SP140: variants seen among roughly 807,000 people sequenced by gnomAD.
SP140 encodes nuclear body protein SP140.
Under a neutral mutation model 125.0 loss-of-function variants are expected in SP140, and 81 were observed. That is an observed-to-expected ratio of 0.65 (90% CI 0.54 to 0.78). The LOEUF (loss-of-function observed/expected upper bound fraction) is 0.78, where lower values mean the gene tolerates loss of function less well. Among genes scored for constraint, SP140 ranks in the 30% least tolerant of loss-of-function variants. The pLI is 0.00. For missense variants in SP140, 858 were observed against 1,037.0 expected, an observed-to-expected ratio of 0.83 and a Z score of 2.37; for synonymous variants, 312 against 354.0, an observed-to-expected ratio of 0.88 and a Z score of 1.33.
At chr2:230,231,812 T>A (rs1574894370) in intron 1 of SP140, among the ~76,000 whole-genome samples, 1 of 152,282 alleles carries the variant, frequency 6.6e-6, no homozygotes, top group South Asian at 2.1e-4. Flanking sequence ...GTTCAAGTGA[T>A]TCTCCTGCCT....
At chr2:230,242,845 C>T (rs1357718162) in intron 4 of SP140, among the ~76,000 whole-genome samples, 1 of 152,116 alleles carries the variant, frequency 6.6e-6, no homozygotes, top group Non-Finnish European at 1.5e-5. Flanking sequence ...GTCTCTGGTC[C>T]AGATCTCCAT....
intron 1 of SP140, among the ~76,000 whole-genome samples, chr2:230,226,392 G>A (rs576674273): frequency 6.6e-6 from 1 of 152,126 alleles, no homozygotes. Flanking sequence ...ATCACTTCAG[G>A]ATCTCTGAAT....
chr2:230,252,721 T>C (rs571908590), intron 10 of SP140, among the ~76,000 whole-genome samples: 3 of 152,060 alleles, frequency 2.0e-5, no homozygotes, highest in African/African-American at 7.2e-5. Flanking sequence ...AGCACAGAAA[T>C]GCAAGCAGGA....
intron 1 of SP140, chr2:230,212,924 G>C: frequency 6.2e-7 from 1 of 1,614,070 alleles, no homozygotes; most frequent in Non-Finnish European, 8.5e-7. Context: ...GTTGTGGTGG[G>C]GGCAGCGCCA....
chr2:230,202,697 CTT>C (rs1269233816), upstream of SP140: 1 of 1,614,126 alleles, frequency 6.2e-7, no homozygotes, highest in Non-Finnish European at 8.5e-7. Context: ...TTTTGAGCTT[CTT>C]TTGGATTCCG....
At chr2:230,255,914 A>T (rs2051116242) in intron 12 of SP140, among the ~76,000 whole-genome samples, 1 of 152,248 alleles carries the variant, frequency 6.6e-6, no homozygotes, top group South Asian at 2.1e-4. Flanking sequence ...AGATGGGGGC[A>T]GGCAAACTGA....
In SP140 at chr2:230,313,001, CT is replaced by C; in HGVS notation, c.*321del. 1 of 269,158 alleles carries C rather than the reference CT, an allele frequency of 3.7e-6. No individual in the cohort carries two copies. The highest frequency in any genetic ancestry group is 7.1e-6 in the Non-Finnish European group (1 of 140,526). The allele number at this position is 269,158 out of a possible 1,614,324, so 16.7% of individuals were successfully genotyped here. A position where few individuals can be genotyped will look rare whatever the true frequency, so the allele number is the denominator to read the frequency against. On this transcript the variant is annotated 3_prime_UTR_variant, in exon 27 of 27. Coordinates refer to ENST00000392045, the MANE Select transcript of SP140 (RefSeq NM_007237.5). ...AGACAACATTTATTACCCAGAAGAC[CT>C]TTTGTCTGAAAACCAGCCAAGCTTT...
chr2:230,309,483 G>A (rs952759612), intron 22 of SP140, among the ~76,000 whole-genome samples: 1 of 152,222 alleles, frequency 6.6e-6, no homozygotes, highest in Non-Finnish European at 1.5e-5. Context: ...TTATGGCCAA[G>A]AATATGGGAT....
upstream of SP140, among the ~76,000 whole-genome samples, chr2:230,224,515 CAGAGAGAG>C (rs879416639): frequency 2.1e-5 from 3 of 139,896 alleles, no homozygotes; most frequent in African/African-American, 8.1e-5. Context: ...AGAGAGAGGA[CAGAGAGAG>C]AGAGAGAGAG....
rs553489875 is a variant in SP140 at position 230,203,147 on chromosome 2, C to A, written c.-455C>A. Reference sequence around the variant, plus strand: ...AGAGATTTCCAAAAGTTTCTAGGTGCCTTCAGTGGGCAAAGTGCAAGGTAT... The same window carrying A: ...AGAGATTTCCAAAAGTTTCTAGGTGACTTCAGTGGGCAAAGTGCAAGGTAT... On this transcript the variant is annotated 5_prime_UTR_variant, in exon 1 of 5. Coordinates refer to the SP140 transcript ENST00000456542. 4.6e-4 allele frequency: 103 copies of A among 224,762 alleles called. No individual in the cohort carries two copies. The South Asian group carries it at 6.5e-3, about 14-fold the overall frequency. 13.9% of individuals were successfully genotyped at this position (224,762 alleles called of 1,614,324 possible). A position where few individuals can be genotyped will look rare whatever the true frequency, so the allele number is the denominator to read the frequency against.
intron 15 of SP140, among the ~76,000 whole-genome samples, chr2:230,279,174 C>A (rs1027940615): frequency 4.6e-5 from 7 of 151,912 alleles, no homozygotes; most frequent in Non-Finnish European, 1.0e-4. Flanking sequence ...GAAAAATATA[C>A]AAATAAATGG....
Position 230,311,083 on chromosome 2 carries a change from G to C in SP140, c.2284-71G>C. The C allele has an allele frequency of 2.5e-6, 4 of 1,610,758 alleles. No homozygotes were observed. In the South Asian group the frequency reaches 4.4e-5, roughly 18 times the overall value. On this transcript the variant is annotated intron_variant, in intron 24 of 26. Transcript: ENST00000392045. ...CTTGAGGAAGAAGGGTGTGAGTTCT[G>C]TGCTGTGTCTCATGCATGTGGGCTC...
chr2:230,288,524 T>TCTTC (rs1575230859), intron 18 of SP140, among the ~76,000 whole-genome samples: 17 of 139,608 alleles, frequency 1.2e-4, no homozygotes, highest in South Asian at 2.3e-4. Context: ...TTTCTTTCTT[T>TCTTC]TTTTATTCTT....
At chr2:230,194,123 A>G in the SP140 span, among the ~76,000 whole-genome samples, 1 of 152,124 alleles carries the variant, frequency 6.6e-6, no homozygotes, top group African/African-American at 2.4e-5. Flanking sequence ...AGATTGAGGC[A>G]TGCTGGGAAC....
At chr2:230,213,046 C>T (rs373508784) in intron 1 of SP140, 24 of 1,612,984 alleles carry the variant, frequency 1.5e-5, no homozygotes, top group Non-Finnish European at 1.9e-5. Context: ...GGTGAAGGGA[C>T]ACACATCAGT....
intron 3 of SP140, among the ~76,000 whole-genome samples, chr2:230,218,109 T>C (rs2045425368): frequency 6.6e-6 from 1 of 152,238 alleles, no homozygotes; most frequent in Non-Finnish European, 1.5e-5. Flanking sequence ...AGTTTACAAA[T>C]GACATTCTTG....
chr2:230,251,224 T>C (rs996063265), intron 10 of SP140, among the ~76,000 whole-genome samples, 163 bp downstream of exon 10: 2 of 152,226 alleles, frequency 1.3e-5, no homozygotes, highest in African/African-American at 4.8e-5. Context: ...ATTTGAGAAA[T>C]GCAGGGAGGA....
chr2:230,293,228 G>A (rs2057328800), intron 20 of SP140, among the ~76,000 whole-genome samples: 1 of 152,252 alleles, frequency 6.6e-6, no homozygotes, highest in African/African-American at 2.4e-5. Flanking sequence ...ATTGGGGCAG[G>A]TTGTGCAGGG....
At chr2:230,291,223 T>C (rs2149482398) in intron 19 of SP140, among the ~76,000 whole-genome samples, 1 of 152,344 alleles carries the variant, frequency 6.6e-6, no homozygotes, top group Non-Finnish European at 1.5e-5. Flanking sequence ...ATATGACTCT[T>C]TGGATGTCAA....
Sources: allele counts gnomAD v4.1 joint callset (sites outside exome capture counted in the v4.1 genomes callset), GRCh38; gene constraint gnomAD v4.1.1; transcripts MANE v1.5; gene names NCBI Gene and HGNC (gene_info 2026-07-23, HGNC 2026-07-21).